VPS13B: variants seen among roughly 807,000 people sequenced by gnomAD.
VPS13B encodes intermembrane lipid transfer protein VPS13B.
Under a neutral mutation model 426.4 loss-of-function variants are expected in VPS13B, and 285 were observed. That is an observed-to-expected ratio of 0.67 (90% CI 0.61 to 0.74). The LOEUF (loss-of-function observed/expected upper bound fraction) is 0.74. Among genes scored for constraint, VPS13B ranks in the 30% least tolerant of loss-of-function variants. The pLI, the probability that VPS13B is intolerant of heterozygous loss-of-function variation, is 0.00. For missense variants in VPS13B, 4,537 were observed against 4,782.6 expected, an observed-to-expected ratio of 0.95 and a Z score of 1.51; for synonymous variants, 1,676 against 1,676.4, an observed-to-expected ratio of 1.00 and a Z score of 0.01.
At chr8:99,729,723 A>C (rs1389909664) in intron 39 of VPS13B, among the ~76,000 whole-genome samples, 1 of 152,222 alleles carries the variant, frequency 6.6e-6, no homozygotes, top group Non-Finnish European at 1.5e-5. Context: ...TTAGTTTTCT[A>C]ATAATATTTT....
chr8:99,821,609 A>T (rs1814373402), intron 50 of VPS13B, 127 bp downstream of exon 50: 1 of 1,153,114 alleles, frequency 8.7e-7, no homozygotes. Flanking sequence ...TTATAACAGT[A>T]CATTTGATTT....
chr8:99,099,379 C>T (rs1426354718), intron 4 of VPS13B, among the ~76,000 whole-genome samples: 3 of 152,122 alleles, frequency 2.0e-5, no homozygotes, highest in African/African-American at 7.2e-5. Context: ...TTTTTATGTA[C>T]TGTAACCAAG....
At chr8:99,283,521 T>C (rs1382087801) in intron 19 of VPS13B, among the ~76,000 whole-genome samples, 1 of 152,184 alleles carries the variant, frequency 6.6e-6, no homozygotes, top group East Asian at 1.9e-4. Context: ...AGAGCGTCTA[T>C]TTTTGTAATT....
At chr8:99,841,777 T>C (rs776789538) in intron 54 of VPS13B, among the ~76,000 whole-genome samples, 25 of 152,196 alleles carry the variant, frequency 1.6e-4, no homozygotes, top group Non-Finnish European at 2.8e-4. Flanking sequence ...CTTTCTTCTG[T>C]GACTGGGGTC....
chr8:99,472,613 A>C lies in VPS13B; in HGVS notation c.3666+4979A>C, dbSNP rs553796769. Reference sequence around the variant, plus strand: ...TCTTAAATCAGCCATTTAAGGTTCAATTTTAGAAAGCTAAGAAAAGAACAA... The same window carrying C: ...TCTTAAATCAGCCATTTAAGGTTCACTTTTAGAAAGCTAAGAAAAGAACAA... On this transcript the variant is annotated intron_variant, in intron 24 of 61. Coordinates refer to ENST00000357162, the MANE Select transcript of VPS13B (RefSeq NM_152564.5). Among the ~76,000 whole-genome samples, 6 of 152,104 alleles carry C rather than the reference A, an allele frequency of 3.9e-5. No homozygotes were observed. The East Asian group carries it at 9.6e-4, about 24-fold the overall frequency.
rs1240567101 is a variant in VPS13B, at chr8:99,317,334, G to A, written c.2824+42080G>A. The stretch of plus-strand genomic sequence containing the variant: ...TGTAATGATTAAATCAGGGTAATTA[G>A]CATATCCATCACCTCAAACACTTGT... On this transcript the variant is annotated intron_variant, in intron 19 of 61. Coordinates refer to ENST00000357162, the MANE Select transcript of VPS13B (RefSeq NM_152564.5). Among the ~76,000 whole-genome samples the A allele has an allele frequency of 1.6e-4, 24 of 152,152 alleles. No homozygotes were observed. The East Asian group carries it at 4.6e-3, about 29-fold the overall frequency.
At chr8:99,531,848 A>G (rs773424192) in intron 30 of VPS13B, among the ~76,000 whole-genome samples, 7 of 152,072 alleles carry the variant, frequency 4.6e-5, no homozygotes, top group Non-Finnish European at 7.4e-5. Context: ...TCGACCACCT[A>G]TATCATTGCT....
At chr8:99,305,407 A>G (rs907829554) in intron 19 of VPS13B, among the ~76,000 whole-genome samples, 2 of 152,188 alleles carry the variant, frequency 1.3e-5, no homozygotes, top group Non-Finnish European at 2.9e-5. Context: ...TATTTCAAGT[A>G]TATGGGAGGA....
chr8:99,030,221 G>GT (rs56881588), intron 2 of VPS13B, among the ~76,000 whole-genome samples: 95,502 of 123,500 alleles, frequency 0.77, 35,574 homozygotes, highest in South Asian at 0.87. Flanking sequence ...TGTTTTTTTT[G>GT]TTTTTTTTTT....
At chr8:99,861,679 G>GA (rs1331673410) in intron 57 of VPS13B, 97 bp from the exon 58 acceptor site, 1 of 1,484,092 alleles carries the variant, frequency 6.7e-7, no homozygotes, top group Non-Finnish European at 9.2e-7. Context: ...GCATGTCCAG[G>GA]AGGGGCCACA....
chr8:99,129,543 G>C (rs1032973665), intron 8 of VPS13B, among the ~76,000 whole-genome samples: 47 of 147,322 alleles, frequency 3.2e-4, no homozygotes, highest in African/African-American at 1.1e-3. Context: ...CTCTAGCCTG[G>C]GTGACCAAGC....
At chr8:99,821,220 A>T in intron 49 of VPS13B, 74 bp from the exon 50 acceptor site, 1 of 1,508,546 alleles carries the variant, frequency 6.6e-7, no homozygotes, top group Non-Finnish European at 9.0e-7. Context: ...TATTAAAAAA[A>T]AAATCCTGAG....
chr8:99,342,230 C>T (rs887835427), intron 19 of VPS13B, among the ~76,000 whole-genome samples: 1 of 152,114 alleles, frequency 6.6e-6, no homozygotes, highest in Non-Finnish European at 1.5e-5. Flanking sequence ...ATGTCGTTTA[C>T]CTATCCTTTT....
At chr8:99,655,728 C>T (rs1485159669) in intron 34 of VPS13B, among the ~76,000 whole-genome samples, 1 of 152,040 alleles carries the variant, frequency 6.6e-6, no homozygotes, top group Non-Finnish European at 1.5e-5. Context: ...AGGTTCCAAG[C>T]ATAAAAGGTT....
intron 30 of VPS13B, among the ~76,000 whole-genome samples, chr8:99,546,057 C>T (rs1288880307): frequency 6.6e-6 from 1 of 151,978 alleles, no homozygotes; most frequent in African/African-American, 2.4e-5. Flanking sequence ...TTTAAAAATT[C>T]ATACCTTTCT....
intron 55 of VPS13B, among the ~76,000 whole-genome samples, chr8:99,852,666 A>C (rs1448388199): frequency 6.6e-6 from 1 of 152,180 alleles, no homozygotes; most frequent in Non-Finnish European, 1.5e-5. Context: ...CTGGGGATGG[A>C]GGCACAAAAG....
At chr8:99,214,876 C>A (rs1336789723) in intron 17 of VPS13B, among the ~76,000 whole-genome samples, 1 of 152,074 alleles carries the variant, frequency 6.6e-6, no homozygotes, top group East Asian at 1.9e-4. Context: ...GGACCTATTC[C>A]CCAGTAACCT....
rs1474383103 is a variant in VPS13B at position 99,817,460 on chromosome 8, T to G, written c.8098-80T>G. On this transcript the variant is annotated intron_variant, in intron 44 of 61. Coordinates refer to ENST00000357162, the MANE Select transcript of VPS13B (RefSeq NM_152564.5). Reference sequence around the variant, plus strand: ...TTCTTTCCATTAACATCAACATAGTTTACTCTGTTTGAATGATAACATATT... The same window carrying G: ...TTCTTTCCATTAACATCAACATAGTGTACTCTGTTTGAATGATAACATATT... 2.5e-5 allele frequency: 38 copies of G among 1,520,096 alleles called. No individual in the cohort carries two copies. In the East Asian group the frequency reaches 7.0e-4, roughly 28 times the overall value. 94.2% of individuals were successfully genotyped at this position (1,520,096 alleles called of 1,614,324 possible). A position where few individuals can be genotyped will look rare whatever the true frequency, so the allele number is the denominator to read the frequency against.
intron 2 of VPS13B, among the ~76,000 whole-genome samples, chr8:99,015,140 T>C (rs991044045): frequency 5.3e-5 from 8 of 152,000 alleles, no homozygotes; most frequent in African/African-American, 1.7e-4. Context: ...CCAAGGTTAG[T>C]TGAGTGGCTT....
Sources: allele counts gnomAD v4.1 joint callset (sites outside exome capture counted in the v4.1 genomes callset), GRCh38; gene constraint gnomAD v4.1.1; transcripts MANE v1.5; gene names NCBI Gene and HGNC (gene_info 2026-07-23, HGNC 2026-07-21).